GOSR1: variants seen among roughly 807,000 people sequenced by gnomAD.
GOSR1 encodes golgi SNAP receptor complex member 1.
Under a neutral mutation model 35.5 loss-of-function variants are expected in GOSR1, and 21 were observed. The observed-to-expected ratio is 0.59, with a 90% CI of 0.42 to 0.85. The LOEUF (loss-of-function observed/expected upper bound fraction) is 0.85, where lower values mean the gene tolerates loss of function less well. Among genes scored for constraint, GOSR1 ranks in the 40% least tolerant of loss-of-function variants. The pLI is 0.00. For synonymous variants in GOSR1, 94 were observed against 106.6 expected, an observed-to-expected ratio of 0.88 and a Z score of 0.73; for missense variants, 285 against 309.6, an observed-to-expected ratio of 0.92 and a Z score of 0.60.
intron 6 of GOSR1, among the ~76,000 whole-genome samples, chr17:30,508,980 CTT>C (rs960081547): frequency 4.8e-5 from 7 of 147,240 alleles, no homozygotes; most frequent in Non-Finnish European, 9.0e-5. Flanking sequence ...GTATTTATGA[CTT>C]TTTTTTTTTC....
At position 30,524,534 on chromosome 17, in the gene GOSR1, C is replaced by A. The variant is rs1018608913; in HGVS notation, c.*2156C>A. ...ATATTTAAGGCACCAGTCATTGTTT[C>A]CATTTTTTTTTTAATTCTTCCCTTG... On this transcript the variant is annotated 3_prime_UTR_variant, in exon 9 of 9. Transcript: ENST00000451249. The A allele has an allele frequency of 1.5e-4, 16 of 107,406 alleles. No individual in the cohort carries two copies. The highest frequency in any genetic ancestry group is 2.6e-4 in the Non-Finnish European group (13 of 50,544). 6.7% of individuals were successfully genotyped at this position (107,406 alleles called of 1,614,324 possible). A position where few individuals can be genotyped will look rare whatever the true frequency, so the allele number is the denominator to read the frequency against.
Position 30,510,881 on chromosome 17 carries a change from T to G in GOSR1, c.511T>G (p.Ser171Ala), listed in dbSNP as rs1308814268. 4 of 1,526,142 alleles carry G rather than the reference T, an allele frequency of 2.6e-6. No individual in the cohort carries two copies. The highest frequency in any genetic ancestry group is 4.5e-5 in the East Asian group (2 of 44,314). The allele number at this position is 1,526,142 out of a possible 1,614,324, so 94.5% of individuals were successfully genotyped here. A position where few individuals can be genotyped will look rare whatever the true frequency, so the allele number is the denominator to read the frequency against. The part of the protein sequence containing the change: ...FLKEHDHLRN[S>A]DRLIEETISI... ...TTGAATTTTTCTTTTTATTTGCAGC[T>G]CAGATCGTCTGATAGAAGAGACAAT... Residue 171 changes from serine (S) to alanine (A), a missense_variant and splice_region_variant, in exon 7 of 9, where the codon TCA (serine) becomes GCA (alanine). By Grantham distance (99) the Ser-to-Ala change is moderately conservative. Coordinates refer to ENST00000451249, the MANE Select transcript of GOSR1 (RefSeq NM_001007025.2).
At chr17:30,505,091 C>T (rs1036941255) in intron 6 of GOSR1, among the ~76,000 whole-genome samples, 1 of 152,136 alleles carries the variant, frequency 6.6e-6, no homozygotes, top group Non-Finnish European at 1.5e-5. Flanking sequence ...AATGCTTCTT[C>T]ACAGTTGTAT....
chr17:30,508,549 A>G (rs1326055789), intron 6 of GOSR1, among the ~76,000 whole-genome samples: 6 of 152,196 alleles, frequency 3.9e-5, no homozygotes, highest in Admixed American at 2.6e-4. Flanking sequence ...GGTTAGTGCC[A>G]TATCTTTGTA....
chr17:30,488,533 A>AT (rs72485527), intron 4 of GOSR1, among the ~76,000 whole-genome samples: 5,091 of 131,412 alleles, frequency 0.039, 128 homozygotes, highest in Non-Finnish European at 0.054. Context: ...TATTGGCAGT[A>AT]TTTTTTTTTT....
At chr17:30,484,550 GTTTT>G (rs1914555920) in intron 3 of GOSR1, 109 bp from the exon 4 acceptor site, 1 of 637,286 alleles carries the variant, frequency 1.6e-6, no homozygotes, top group African/African-American at 1.9e-5. Context: ...GTTTTGTTTT[GTTTT>G]GTTTTGTTTT....
In GOSR1 at chr17:30,484,838, C is replaced by A. The variant is rs560219367; in HGVS notation, c.342+68C>A. On this transcript the variant is annotated intron_variant, in intron 4 of 8. Coordinates refer to ENST00000451249, the MANE Select transcript of GOSR1 (RefSeq NM_001007025.2). ...TGGGTTTTTTTTTTTTTAATCCCTGCATTGGATATGTGCACATATATTTAA... is the reference window on the plus strand; with the variant it reads ...TGGGTTTTTTTTTTTTTAATCCCTGAATTGGATATGTGCACATATATTTAA... 4.7e-4 allele frequency: 376 copies of A among 805,466 alleles called. 1 individual carries two copies. In the African/African-American group the frequency reaches 5.8e-3, roughly 12 times the overall value. 49.9% of individuals were successfully genotyped at this position (805,466 alleles called of 1,614,324 possible). A position where few individuals can be genotyped will look rare whatever the true frequency, so the allele number is the denominator to read the frequency against.
chr17:30,493,269 C>T (rs566911844), intron 6 of GOSR1, among the ~76,000 whole-genome samples: 1 of 152,298 alleles, frequency 6.6e-6, no homozygotes, highest in Admixed American at 6.5e-5. Flanking sequence ...GCTGGGATTA[C>T]AGGCGTGAGC....
intron 1 of GOSR1, chr17:30,477,978 T>C (rs4795554): frequency 0.53 from 516,832 of 970,208 alleles, 141,030 homozygotes; most frequent in East Asian, 0.83. Context: ...TTATTGGGTC[T>C]CCATGACAAC....
chr17:30,518,600 G>T (rs1276792880), intron 7 of GOSR1, among the ~76,000 whole-genome samples: 1 of 152,120 alleles, frequency 6.6e-6, no homozygotes, highest in Admixed American at 6.5e-5. Context: ...ATAAGACTAT[G>T]GGAAATGAAT....
chr17:30,486,304 G>A (rs183055078), intron 4 of GOSR1, among the ~76,000 whole-genome samples: 194 of 152,134 alleles, frequency 1.3e-3, no homozygotes, highest in Non-Finnish European at 2.0e-3. Flanking sequence ...ATCATTTGAG[G>A]TCAGGAGTTG....
chr17:30,517,605 G>A (rs1263519027), intron 7 of GOSR1, among the ~76,000 whole-genome samples: 5 of 149,142 alleles, frequency 3.4e-5, no homozygotes, highest in Admixed American at 3.3e-4. Context: ...TTTTTTTTTG[G>A]TCTTTTTGCT....
In GOSR1 at chr17:30,492,685, T is replaced by C. The variant is rs1378889058; in HGVS notation, c.441T>C (p.Tyr147=). The part of the protein sequence containing the change: ...MGSVRKDIES[Y]KSGSGVNNRR... Reference sequence around the variant, plus strand: ...ATTTTCTCTTTTGTCCCAGGTCATATAAAAGTGGGTCTGGAGTAAACAACA... The same window carrying C: ...ATTTTCTCTTTTGTCCCAGGTCATACAAAAGTGGGTCTGGAGTAAACAACA... Residue 147 remains tyrosine (Y), a synonymous_variant, in exon 6 of 9, where the codon TAT becomes TAC. Transcript: ENST00000451249. 11 of 1,585,308 alleles carry C rather than the reference T, an allele frequency of 6.9e-6. No homozygotes were observed. The highest frequency in any genetic ancestry group is 1.3e-5 in the African/African-American group (1 of 74,346).
At chr17:30,502,768 GT>G (rs923901883) in intron 6 of GOSR1, among the ~76,000 whole-genome samples, 24 of 152,256 alleles carry the variant, frequency 1.6e-4, no homozygotes, top group Middle Eastern at 3.4e-3. Flanking sequence ...TTTCATCTTT[GT>G]TTTCCTGTAT....
In GOSR1 at chr17:30,526,082, A is replaced by C. The variant is rs1251378224; in HGVS notation, c.*3704A>C. 1 of 152,120 alleles carries C rather than the reference A, an allele frequency of 6.6e-6. No individual in the cohort carries two copies. The highest frequency in any genetic ancestry group is 2.4e-5 in the African/African-American group (1 of 41,426). The allele number at this position is 152,120 out of a possible 1,614,324, so 9.4% of individuals were successfully genotyped here. A position where few individuals can be genotyped will look rare whatever the true frequency, so the allele number is the denominator to read the frequency against. ...AGCTCTTTCAGCTCCATGTCATTTA[A>C]CTTTTTTGTTTAACCACCTTGGCTT... is the stretch of plus-strand genomic sequence containing the variant. On this transcript the variant is annotated 3_prime_UTR_variant, in exon 9 of 9. Transcript: ENST00000451249.
chr17:30,498,013 G>A (rs1470750741), intron 6 of GOSR1, among the ~76,000 whole-genome samples: 3 of 146,652 alleles, frequency 2.0e-5, no homozygotes, highest in East Asian at 2.0e-4. Context: ...AGCTGAGATC[G>A]CGTTACTCCA....
intron 7 of GOSR1, among the ~76,000 whole-genome samples, chr17:30,517,827 T>C (rs1191334506): frequency 6.6e-6 from 1 of 152,204 alleles, no homozygotes; most frequent in Non-Finnish European, 1.5e-5. Context: ...TCATGTGTCA[T>C]TTGTTTAGAA....
At chr17:30,519,117 G>A (rs1967929795) in intron 7 of GOSR1, among the ~76,000 whole-genome samples, 1 of 152,122 alleles carries the variant, frequency 6.6e-6, no homozygotes, top group Non-Finnish European at 1.5e-5. Context: ...CTAGAGTGCA[G>A]TGGCTCCATC....
chr17:30,498,585 T>C (rs776665947), intron 6 of GOSR1, among the ~76,000 whole-genome samples: 3 of 152,194 alleles, frequency 2.0e-5, no homozygotes, highest in Non-Finnish European at 4.4e-5. Context: ...CAAGTAGAGA[T>C]AGAAAAAGAT....
Sources: gnomAD v4.1 joint callset for allele counts (sites outside exome capture counted in the v4.1 genomes callset) on GRCh38, gnomAD v4.1.1 for gene constraint, MANE v1.5 for transcripts, NCBI Gene and HGNC (gene_info 2026-07-23, HGNC 2026-07-21) for gene names.